The following JAK1 variants were observed in gnomAD, a reference collection of about 807,000 sequenced individuals.
JAK1 encodes the protein tyrosine-protein kinase JAK1.
JAK1 carries 16 observed loss-of-function variants against 136.6 expected under a neutral mutation model. The observed-to-expected ratio is 0.12, with a 90% CI of 0.08 to 0.18. The LOEUF (loss-of-function observed/expected upper bound fraction) is 0.18. Among genes scored for constraint, JAK1 ranks in the 10% least tolerant of loss-of-function variants. JAK1 has a pLI of 1.00. For synonymous variants in JAK1, 492 were observed against 519.5 expected, an observed-to-expected ratio of 0.95 and a Z score of 0.72; for missense variants, 859 against 1,450.1, an observed-to-expected ratio of 0.59 and a Z score of 6.62.
intron 1 of JAK1, among the ~76,000 whole-genome samples, chr1:64,955,780 C>T (rs972783684): frequency 2.0e-5 from 3 of 152,276 alleles, no homozygotes; most frequent in Middle Eastern, 3.4e-3. Context: ...AGGAAGGCTG[C>T]AGCAGTGGGG....
At position 64,834,251 on chromosome 1, in the gene JAK1, T is replaced by C. The variant is rs538183096; in HGVS notation, c.*311A>G. 4.6e-4 allele frequency: 114 copies of C among 249,500 alleles called. No individual in the cohort carries two copies. The highest frequency in any genetic ancestry group is 2.0e-3 in the African/African-American group (91 of 45,998). The allele number at this position is 249,500 out of a possible 1,614,324, so 15.5% of individuals were successfully genotyped here. A position where few individuals can be genotyped will look rare whatever the true frequency, so the allele number is the denominator to read the frequency against. On this transcript the variant is annotated 3_prime_UTR_variant, in exon 25 of 25. Coordinates refer to ENST00000342505, the MANE Select transcript of JAK1 (RefSeq NM_002227.4). ...AAAAATCCCCTTTTGGTAATGCAGT[T>C]GTGATGGTGAACTAGCCAGATGAAA...
chr1:64,855,772 G>A (rs1039355279), intron 10 of JAK1, 74 bp from the exon 11 acceptor site: 1 of 1,257,914 alleles, frequency 7.9e-7, no homozygotes, highest in South Asian at 1.5e-5. Flanking sequence ...TTAACATTAG[G>A]GGAAGCTGCA....
intron 22 of JAK1, among the ~76,000 whole-genome samples, chr1:64,837,688 C>A (rs1654574162): frequency 6.6e-6 from 1 of 152,208 alleles, no homozygotes; most frequent in Non-Finnish European, 1.5e-5. Flanking sequence ...GGTTAGATTT[C>A]TTTCATTCCT....
intron 1 of JAK1, among the ~76,000 whole-genome samples, chr1:64,915,723 C>A (rs533605873): frequency 3.4e-4 from 52 of 152,248 alleles, no homozygotes; most frequent in African/African-American, 1.2e-3. Context: ...AAGTGGCTAC[C>A]ATGTGGCTAG....
At position 65,052,792 on chromosome 1, in the gene JAK1, C is replaced by T. The variant is rs560558860; in HGVS notation, c.-180-8210G>A. On this transcript the variant is annotated intron_variant, in intron 1 of 25. Transcript: ENST00000671954. Reference sequence around the variant, plus strand: ...TCGCGCCACTGCACTCCAGCCTGGGCGACACTCCAGCCTGGGCAACACTCC... The same window carrying T: ...TCGCGCCACTGCACTCCAGCCTGGGTGACACTCCAGCCTGGGCAACACTCC... Among the ~76,000 whole-genome samples, 17 of 140,356 alleles carry T rather than the reference C, an allele frequency of 1.2e-4. No homozygotes were observed. In the East Asian group the frequency reaches 1.7e-3, roughly 14 times the overall value. The allele number at this position is 140,356 out of a possible 152,430, so 92.1% of individuals were successfully genotyped here.
intron 1 of JAK1, among the ~76,000 whole-genome samples, chr1:64,920,580 A>T (rs1557693310): frequency 1.3e-5 from 2 of 152,190 alleles, no homozygotes; most frequent in Non-Finnish European, 2.9e-5. Flanking sequence ...AGACCAAACT[A>T]AAATTAAATT....
At chr1:65,018,515 C>CACACACACAT (rs1646910111) in intron 2 of JAK1, among the ~76,000 whole-genome samples, 2 of 152,044 alleles carry the variant, frequency 1.3e-5, no homozygotes, top group Admixed American at 1.3e-4. Flanking sequence ...CACACACACA[C>CACACACACAT]ACGCTATCAG....
Position 64,966,380 on chromosome 1 carries a change from C to G in JAK1, c.-125G>C, listed in dbSNP as rs112929405. 2.6e-5 allele frequency: 4 copies of G among 151,312 alleles called. No individual in the cohort carries two copies. Among genetic ancestry groups the G allele is most frequent in the African/African-American group, 4.8e-5 (2 of 41,326 alleles). The allele number at this position is 151,312 out of a possible 1,614,324, so 9.4% of individuals were successfully genotyped here. A position where few individuals can be genotyped will look rare whatever the true frequency, so the allele number is the denominator to read the frequency against. ...AGGCAGCGCCCCGTCGCTGCGCTGG[C>G]TGGGGTCGACCGGCAGGCTCGCTAG... On this transcript the variant is annotated 5_prime_UTR_variant, in exon 1 of 25. Transcript: ENST00000342505.
upstream of JAK1, among the ~76,000 whole-genome samples, chr1:64,968,060 G>C (rs1390249204): frequency 6.6e-6 from 1 of 152,106 alleles, no homozygotes; most frequent in Non-Finnish European, 1.5e-5. Context: ...GGTTTTTATT[G>C]AGCTGGACCA....
At position 64,850,869 on chromosome 1, in the gene JAK1, A is replaced by C. The variant is rs1016297399; in HGVS notation, c.1690T>G (p.Trp564Gly). 6.2e-7 allele frequency: 1 copy of C among 1,613,498 alleles called. No individual in the cohort carries two copies. The highest frequency in any genetic ancestry group is 8.5e-7 in the Non-Finnish European group (1 of 1,179,876). The change falls in exon 12 of 25, where the codon TGG becomes GGG. Residue 564 changes from tryptophan to glycine, a missense_variant. Trp to Gly is a radical substitution (Grantham distance 184, BLOSUM62 -2). Coordinates refer to ENST00000342505, the MANE Select transcript of JAK1 (RefSeq NM_002227.4). ...TGGCTCATGGGGTAGACGGGCTGCC[A>C]CTCCTGGGCTTTCTTAGTAGCCACC... Reference protein sequence around the residue: ...LLVATKKAQEWQPVYPMSQLS... With the variant: ...LLVATKKAQEGQPVYPMSQLS...
intron 2 of JAK1, among the ~76,000 whole-genome samples, chr1:65,000,406 G>A (rs1646744694): frequency 6.6e-6 from 1 of 151,894 alleles, no homozygotes; most frequent in Non-Finnish European, 1.5e-5. Context: ...GGGAGGCTGA[G>A]GTGGGAGGAT....
chr1:64,878,575 AT>A, intron 4 of JAK1, among the ~76,000 whole-genome samples: 1 of 57,192 alleles, frequency 1.7e-5, no homozygotes, highest in Non-Finnish European at 3.3e-5. Context: ...ATATATATAT[AT>A]ATATATATAT....
At chr1:64,942,596 T>C (rs1645909951) in intron 1 of JAK1, among the ~76,000 whole-genome samples, 2 of 152,236 alleles carry the variant, frequency 1.3e-5, no homozygotes, top group Non-Finnish European at 2.9e-5. Flanking sequence ...TGGTCTGGCA[T>C]CCCTATGTTA....
chr1:64,955,864 TGGGGCAAAAGCAAAGGGAGAGATCA>T (rs2100602038), intron 1 of JAK1, among the ~76,000 whole-genome samples: 2 of 151,954 alleles, frequency 1.3e-5, no homozygotes, highest in East Asian at 3.9e-4. Context: ...GGAGGTGGGG[TGGGGCAAAAGCAAAGGGAGAGATCA>T]GGGTTAGTCT....
Position 65,019,920 on chromosome 1 carries a change from A to AAAAAAGAAGAAG in JAK1, c.-78+24548_-78+24559dup, listed in dbSNP as rs1646923017. 2.0e-5 allele frequency among the ~76,000 whole-genome samples: 3 copies of AAAAAAGAAGAAG among 150,388 alleles called. No homozygotes were observed. In the Admixed American group the frequency reaches 2.0e-4, roughly 10 times the overall value. On this transcript the variant is annotated intron_variant, in intron 2 of 25. Transcript: ENST00000671954. ...GACAGAGCGAGACTCTGTCTCAAAA[A>AAAAAAGAAGAAG]AAAAAGAAGAAGAAGAAGAAGAAGG...
rs72032330 is a variant in JAK1, at chr1:64,860,826, C to CTGTGTGTG, written c.1177-572_1177-565dup. On this transcript the variant is annotated intron_variant, in intron 8 of 24. Coordinates refer to ENST00000342505, the MANE Select transcript of JAK1 (RefSeq NM_002227.4). ...TATTATCTCAAACTATCAGATGACT[C>CTGTGTGTG]TGTGTGTGTGTGTGTGTGTGTGTGT... Among the ~76,000 whole-genome samples, 493 of 120,450 alleles carry CTGTGTGTG rather than the reference C, an allele frequency of 4.1e-3. 11 individuals are homozygous for CTGTGTGTG. The highest frequency in any genetic ancestry group is 0.012 in the African/African-American group (389 of 33,540). 79.0% of individuals were successfully genotyped at this position (120,450 alleles called of 152,430 possible).
intron 2 of JAK1, chr1:64,987,121 G>T (rs1212729178): frequency 6.6e-6 from 1 of 152,158 alleles, no homozygotes; most frequent in African/African-American, 2.4e-5. Flanking sequence ...TTACCTGCAC[G>T]CACTCCCTGA....
chr1:65,001,701 G>A, intron 2 of JAK1, among the ~76,000 whole-genome samples: 1 of 150,426 alleles, frequency 6.6e-6, no homozygotes, highest in Non-Finnish European at 1.5e-5. Flanking sequence ...ATGTGTGCCT[G>A]AAAGGCAGCA....
At chr1:65,017,177 T>C (rs2100783280) in intron 2 of JAK1, among the ~76,000 whole-genome samples, 1 of 152,054 alleles carries the variant, frequency 6.6e-6, no homozygotes, top group East Asian at 1.9e-4. Context: ...AGAAAAATCA[T>C]TAAATAGGCC....
Sources: allele counts gnomAD v4.1 joint callset (sites outside exome capture counted in the v4.1 genomes callset), GRCh38; gene constraint gnomAD v4.1.1; transcripts MANE v1.5; gene names NCBI Gene and HGNC (gene_info 2026-07-23, HGNC 2026-07-21).